The following B9D1 variants were observed in gnomAD, a reference collection of about 807,000 sequenced individuals.
B9D1 encodes B9 domain-containing protein 1.
In B9D1, 20 loss-of-function variants were observed where a neutral mutation model predicts 26.1. That is an observed-to-expected ratio of 0.77 (90% CI 0.54 to 1.12). The LOEUF is 1.12. B9D1 is among the 50% of genes most tolerant of loss of function. B9D1 has a pLI of 0.00. For synonymous variants in B9D1, 105 were observed against 103.1 expected, an observed-to-expected ratio of 1.02 and a Z score of -0.11; for missense variants, 260 against 273.7, an observed-to-expected ratio of 0.95 and a Z score of 0.35.
At chr17:19,354,692 G>A (rs1308154259) in intron 3 of B9D1, among the ~76,000 whole-genome samples, 1 of 152,098 alleles carries the variant, frequency 6.6e-6, no homozygotes, top group Non-Finnish European at 1.5e-5. Flanking sequence ...GCCAGGCATG[G>A]TGGCAGGCAC....
At chr17:19,376,946 T>C (rs1912158165) in intron 1 of B9D1, among the ~76,000 whole-genome samples, 1 of 152,230 alleles carries the variant, frequency 6.6e-6, no homozygotes, top group Non-Finnish European at 1.5e-5. Context: ...TGTTTAAATC[T>C]ACCTGTGACT....
upstream of B9D1, chr17:19,363,130 CGGA>C: frequency 6.1e-6 from 1 of 162,648 alleles, no homozygotes. Context: ...GCCGGGTGCT[CGGA>C]GGAGCCTCCC....
intron 3 of B9D1, among the ~76,000 whole-genome samples, chr17:19,351,000 G>A (rs1007500147): frequency 1.3e-5 from 2 of 151,916 alleles, no homozygotes; most frequent in Admixed American, 6.6e-5. Context: ...CACCAAACCC[G>A]GCTAATTTTT....
chr17:19,373,208 G>A (rs571723022), intron 1 of B9D1, among the ~76,000 whole-genome samples: 16 of 152,262 alleles, frequency 1.1e-4, no homozygotes, highest in East Asian at 7.7e-4. Context: ...TGGGGCTCAG[G>A]AAGGTCTCCA....
chr17:19,362,609 G>T lies in B9D1; in HGVS notation c.-40C>A. ...TGCCGGGGGGACCCACCTAGGCCGC[G>T]CGCGGTTGCTAAGAGACGCCGGCGT... On this transcript the variant is annotated 5_prime_UTR_variant, in exon 1 of 7. Transcript: ENST00000261499. The T allele has an allele frequency of 1.9e-6, 3 of 1,576,040 alleles. No homozygotes were observed. Among genetic ancestry groups the T allele is most frequent in the Non-Finnish European group, 2.6e-6 (3 of 1,160,368 alleles).
At chr17:19,341,506 C>T (rs929416822), downstream of B9D1, among the ~76,000 whole-genome samples, 1 of 152,186 alleles carries the variant, frequency 6.6e-6, no homozygotes. Flanking sequence ...CTCCCACACA[C>T]CTGAGGCATG....
At chr17:19,376,982 C>G (rs1041274174) in intron 1 of B9D1, among the ~76,000 whole-genome samples, 1 of 152,122 alleles carries the variant, frequency 6.6e-6, no homozygotes, top group Non-Finnish European at 1.5e-5. Context: ...TTTGAGTTGT[C>G]CCGCCCTTCC....
At chr17:19,351,923 G>A (rs1909660683) in intron 3 of B9D1, among the ~76,000 whole-genome samples, 1 of 151,944 alleles carries the variant, frequency 6.6e-6, no homozygotes, top group Non-Finnish European at 1.5e-5. Flanking sequence ...TCTAGCGCTG[G>A]CACCCAGGCT....
Position 19,357,856 on chromosome 17 carries a change from G to A in B9D1, c.228C>T (p.Ser76=). Residue 76 remains serine (S), a synonymous_variant, in exon 3 of 7, where the codon AGC becomes AGT. Transcript: ENST00000261499. Reference sequence around the variant, plus strand: ...CAGACTCACAGCCGTAGGGGTTGGTGCTTTTAAAGGTGACATCAATGGGGA... The same window carrying A: ...CAGACTCACAGCCGTAGGGGTTGGTACTTTTAAAGGTGACATCAATGGGGA... ...WNFPIDVTFK[S]TNPYGWPQIV... 2 of 1,613,874 alleles carry A rather than the reference G, an allele frequency of 1.2e-6. No individual in the cohort carries two copies. The highest frequency in any genetic ancestry group is 1.7e-6 in the Non-Finnish European group (2 of 1,179,910).
At chr17:19,362,931 C>A, upstream of B9D1, 1 of 380,194 alleles carries the variant, frequency 2.6e-6, no homozygotes, top group Admixed American at 3.6e-5. Flanking sequence ...TCCCCGTCCC[C>A]GCCGAAGCGC....
intron 1 of B9D1, 53 bp from the exon 2 acceptor site, chr17:19,360,441 G>A: frequency 6.6e-7 from 1 of 1,526,230 alleles, no homozygotes; most frequent in Non-Finnish European, 9.1e-7. Context: ...TGAGGCCAAT[G>A]CATTTGCTAG....
Position 19,343,250 on chromosome 17 carries a change from C to G in B9D1, c.*69G>C, listed in dbSNP as rs1908189011. The G allele has an allele frequency of 6.2e-7, 1 of 1,610,362 alleles. No individual in the cohort carries two copies. Among genetic ancestry groups the G allele is most frequent in the African/African-American group, 1.3e-5 (1 of 74,998 alleles). ...TCTGGCCACCAGGCTGCCCCTCAGGCCGATGGGCAGCGGCTGACTTCGGGA... is the reference window on the plus strand; with the variant it reads ...TCTGGCCACCAGGCTGCCCCTCAGGGCGATGGGCAGCGGCTGACTTCGGGA... On this transcript the variant is annotated 3_prime_UTR_variant, in exon 7 of 7. Coordinates refer to ENST00000261499, the MANE Select transcript of B9D1 (RefSeq NM_015681.6).
Position 19,343,478 on chromosome 17 carries a change from A to C in B9D1, c.473-17T>G. The C allele has an allele frequency of 6.2e-7, 1 of 1,614,164 alleles. No homozygotes were observed. Among genetic ancestry groups the C allele is most frequent in the South Asian group, 1.1e-5 (1 of 91,076 alleles). On this transcript the variant is annotated splice_polypyrimidine_tract_variant and intron_variant, in intron 6 of 6. Transcript: ENST00000261499. ...CACGGGTCACTGGGGACAGAAGGGC[A>C]GCATCAGCCAGGCTGGGCTGGGGCA...
intron 3 of B9D1, among the ~76,000 whole-genome samples, chr17:19,352,335 A>G (rs1239064357): frequency 6.7e-6 from 1 of 149,886 alleles, no homozygotes; most frequent in Non-Finnish European, 1.5e-5. Flanking sequence ...TTAACTTGCT[A>G]TTCTTTTACT....
intron 5 of B9D1, 136 bp from the exon 6 acceptor site, chr17:19,343,993 C>T: frequency 7.3e-7 from 1 of 1,376,936 alleles, no homozygotes; most frequent in Non-Finnish European, 9.9e-7. Flanking sequence ...CACCAGGAGT[C>T]AGGCCCTAAG....
upstream of B9D1, chr17:19,362,794 AC>A (rs1598095029): frequency 1.5e-6 from 2 of 1,359,376 alleles, no homozygotes; most frequent in Non-Finnish European, 2.0e-6. Flanking sequence ...CCGAGGCTCC[AC>A]CCCTCCTTAG....
At chr17:19,361,088 G>C (rs1190513106) in intron 1 of B9D1, among the ~76,000 whole-genome samples, 1 of 151,950 alleles carries the variant, frequency 6.6e-6, no homozygotes, top group East Asian at 1.9e-4. Flanking sequence ...GATCTAGGTT[G>C]CATGTTCCTT....
upstream of B9D1, among the ~76,000 whole-genome samples, chr17:19,365,922 C>A (rs115348266): frequency 0.031 from 4,672 of 151,684 alleles, 248 homozygotes; most frequent in African/African-American, 0.11. This position sits in a 1 kb window ranked among gnomAD's most constrained non-coding sequence, Gnocchi z 5.0. Flanking sequence ...TTGCTGAAGT[C>A]ATTCCTGGGG....
chr17:19,374,650 TA>T lies in B9D1; in HGVS notation c.-298+3208del, dbSNP rs1912028248. Reference sequence around the variant, plus strand: ...AACTGAACTCATCTAAATGTCTATCTAGGGGGTCTTGGTTAAATAGGTTATA... The same window carrying T: ...AACTGAACTCATCTAAATGTCTATCTGGGGGTCTTGGTTAAATAGGTTATA... On this transcript the variant is annotated intron_variant, in intron 1 of 5. Transcript: ENST00000477478. Among the ~76,000 whole-genome samples the T allele has an allele frequency of 5.3e-5, 8 of 152,328 alleles. No individual in the cohort carries two copies. In the South Asian group the frequency reaches 1.7e-3, roughly 32 times the overall value.
Sources: allele counts gnomAD v4.1 joint callset (sites outside exome capture counted in the v4.1 genomes callset), GRCh38; gene constraint gnomAD v4.1.1; non-coding constraint Gnocchi (gnomAD v3.1); transcripts MANE v1.5; gene names NCBI Gene and HGNC (gene_info 2026-07-23, HGNC 2026-07-21).